The following GRIK2 variants were observed in gnomAD, a reference collection of about 807,000 sequenced individuals.
GRIK2 encodes glutamate receptor ionotropic, kainate 2.
In GRIK2, 32 loss-of-function variants were observed where a neutral mutation model predicts 100.3. That is an observed-to-expected ratio of 0.32 (90% CI 0.24 to 0.43). The LOEUF (loss-of-function observed/expected upper bound fraction) is 0.43, where lower values mean the gene tolerates loss of function less well. Ranked by LOEUF, GRIK2 falls within the 20% of genes least tolerant of loss-of-function variation. GRIK2 has a pLI of 1.00. For synonymous variants in GRIK2, 417 were observed against 389.4 expected, an observed-to-expected ratio of 1.07 and a Z score of -0.83; for missense variants, 843 against 1,114.9, an observed-to-expected ratio of 0.76 and a Z score of 3.47.
At chr6:101,449,469 CATGCTAATTT>C (rs1309881651) in intron 2 of GRIK2, among the ~76,000 whole-genome samples, 4 of 151,678 alleles carry the variant, frequency 2.6e-5, no homozygotes, top group Non-Finnish European at 5.9e-5. Context: ...AAGGGAAAAA[CATGCTAATTT>C]ATTTAATATA....
chr6:101,730,507 A>G (rs1212683904), intron 7 of GRIK2, among the ~76,000 whole-genome samples: 2 of 151,966 alleles, frequency 1.3e-5, no homozygotes, highest in African/African-American at 4.8e-5. Flanking sequence ...AAACAAATGA[A>G]CAAAAACAGT....
At chr6:101,681,405 T>A (rs997985737) in intron 5 of GRIK2, among the ~76,000 whole-genome samples, 1 of 7,750 alleles carries the variant, frequency 1.3e-4, no homozygotes, top group African/African-American at 5.5e-4. Flanking sequence ...TTCTTTTCTA[T>A]TTTTTTTTTT....
chr6:101,432,587 T>C (rs937785059), intron 2 of GRIK2, among the ~76,000 whole-genome samples: 1 of 152,198 alleles, frequency 6.6e-6, no homozygotes, highest in Non-Finnish European at 1.5e-5. Flanking sequence ...TACCTACATA[T>C]TGAAAGTGAT....
intron 2 of GRIK2, among the ~76,000 whole-genome samples, chr6:101,471,139 A>G (rs1222578110): frequency 6.6e-6 from 1 of 152,094 alleles, no homozygotes; most frequent in African/African-American, 2.4e-5. Context: ...TGGACTTGAC[A>G]TCAGAAAATC....
At chr6:101,442,125 G>A (rs567947561) in intron 2 of GRIK2, among the ~76,000 whole-genome samples, 36 of 152,206 alleles carry the variant, frequency 2.4e-4, no homozygotes, top group Admixed American at 7.9e-4. Context: ...ATGAAACCCC[G>A]GCTTTGGCCA....
chr6:101,611,190 A>T (rs1366190289), intron 2 of GRIK2, among the ~76,000 whole-genome samples: 1 of 151,894 alleles, frequency 6.6e-6, no homozygotes, highest in Non-Finnish European at 1.5e-5. Flanking sequence ...TATTTTTAAA[A>T]TAAGAAAGCA....
intron 14 of GRIK2, among the ~76,000 whole-genome samples, chr6:102,011,762 A>AT (rs1303288854): frequency 6.7e-6 from 1 of 149,186 alleles, no homozygotes; most frequent in East Asian, 2.0e-4. Flanking sequence ...TTTTTTTTGT[A>AT]TTTTTACTAG....
chr6:101,538,608 G>T (rs544016620), intron 2 of GRIK2, among the ~76,000 whole-genome samples: 32 of 136,234 alleles, frequency 2.3e-4, no homozygotes, highest in African/African-American at 7.8e-4. Context: ...AATGCCCTCA[G>T]TATCTTTTTT....
intron 7 of GRIK2, among the ~76,000 whole-genome samples, chr6:101,714,813 C>T (rs1017023698): frequency 1.3e-5 from 2 of 151,590 alleles, no homozygotes; most frequent in African/African-American, 2.4e-5. Context: ...CTTTGAATTT[C>T]AAATCAGAGG....
chr6:101,414,822 C>A (rs1277396171), intron 2 of GRIK2, among the ~76,000 whole-genome samples: 2 of 152,148 alleles, frequency 1.3e-5, no homozygotes, highest in African/African-American at 4.8e-5. Flanking sequence ...CCAGCTGAAA[C>A]ATCTCAGGGT....
intron 12 of GRIK2, among the ~76,000 whole-genome samples, chr6:101,902,279 A>C (rs1787900291): frequency 6.6e-6 from 1 of 151,984 alleles, no homozygotes. Flanking sequence ...GTTCAAGAGA[A>C]GGGAAAAACA....
intron 5 of GRIK2, among the ~76,000 whole-genome samples, chr6:101,677,979 A>C (rs1770962779): frequency 1.3e-5 from 2 of 152,140 alleles, no homozygotes; most frequent in South Asian, 4.1e-4. Context: ...TTTTTTGGCA[A>C]CAAATAAAAC....
intron 2 of GRIK2, among the ~76,000 whole-genome samples, chr6:101,436,131 G>C (rs1395910329): frequency 6.6e-6 from 1 of 152,060 alleles, no homozygotes; most frequent in African/African-American, 2.4e-5. Context: ...TCTATTCAGA[G>C]TACAGTTTTT....
At chr6:102,008,768 G>A (rs1028572374) in intron 14 of GRIK2, among the ~76,000 whole-genome samples, 3 of 152,046 alleles carry the variant, frequency 2.0e-5, no homozygotes, top group Admixed American at 6.5e-5. Context: ...CTGAAAGTGA[G>A]TGCTTCAGGA....
chr6:102,017,457 C>A lies in GRIK2; in HGVS notation c.2086-17884C>A, dbSNP rs141685847. Among the ~76,000 whole-genome samples, 956 of 152,174 alleles carry A rather than the reference C, an allele frequency of 6.3e-3. 8 individuals are homozygous for A. Among genetic ancestry groups the A allele is most frequent in the Non-Finnish European group, 0.011 (766 of 68,014 alleles). The stretch of plus-strand genomic sequence containing the variant: ...CTTGAGTGGGGACATAAAGCCAAAC[C>A]ATATCAATTGCATATGATATTCCTA... On this transcript the variant is annotated intron_variant, in intron 14 of 16. Transcript: ENST00000369134.
At chr6:101,620,852 G>C (rs1780122189) in intron 2 of GRIK2, among the ~76,000 whole-genome samples, 1 of 152,100 alleles carries the variant, frequency 6.6e-6, no homozygotes, top group South Asian at 2.1e-4. Flanking sequence ...CCTCAGTTGG[G>C]TCACTCCCAG....
chr6:101,850,053 C>T (rs914913902), intron 10 of GRIK2, among the ~76,000 whole-genome samples: 3 of 151,960 alleles, frequency 2.0e-5, no homozygotes, highest in African/African-American at 7.2e-5. Context: ...CTACAGCATC[C>T]TGTGTTCTGA....
chr6:101,666,075 C>A (rs1770007410), intron 4 of GRIK2, among the ~76,000 whole-genome samples: 2 of 152,160 alleles, frequency 1.3e-5, no homozygotes, highest in Admixed American at 1.3e-4. Flanking sequence ...CTTCTGACAC[C>A]AGTTGCAATT....
intron 2 of GRIK2, among the ~76,000 whole-genome samples, chr6:101,578,260 C>T (rs887417202): frequency 1.3e-5 from 2 of 152,110 alleles, no homozygotes; most frequent in African/African-American, 4.8e-5. Flanking sequence ...CAAGAGAGTA[C>T]TGAAATATGC....
Sources: gnomAD v4.1 joint callset for allele counts (sites outside exome capture counted in the v4.1 genomes callset) on GRCh38, gnomAD v4.1.1 for gene constraint, MANE v1.5 for transcripts, NCBI Gene and HGNC (gene_info 2026-07-23, HGNC 2026-07-21) for gene names.